FSTL5: variants seen among roughly 807,000 people sequenced by gnomAD.
FSTL5 encodes follistatin like 5.
Under a neutral mutation model 89.1 loss-of-function variants are expected in FSTL5, and 62 were observed. That is an observed-to-expected ratio of 0.70 (90% confidence interval 0.57 to 0.86). The LOEUF is 0.86. FSTL5 is among the 40% of genes least tolerant of loss of function. The pLI is 0.00. For missense variants in FSTL5, 1,057 were observed against 1,001.6 expected, an observed-to-expected ratio of 1.06 and a Z score of -0.75; for synonymous variants, 383 against 346.2, an observed-to-expected ratio of 1.11 and a Z score of -1.18.
chr4:161,437,284 G>C (rs536400577), intron 15 of FSTL5, among the ~76,000 whole-genome samples: 2 of 152,044 alleles, frequency 1.3e-5, no homozygotes, highest in East Asian at 1.9e-4. Flanking sequence ...ATAAAACAAC[G>C]GGCAGGGCGC....
intron 4 of FSTL5, among the ~76,000 whole-genome samples, chr4:161,832,294 G>A (rs979065523): frequency 6.6e-6 from 1 of 152,046 alleles, no homozygotes; most frequent in African/African-American, 2.4e-5. Flanking sequence ...GAGGTGAGAC[G>A]ATCCTTCCAG....
At chr4:161,450,801 G>A (rs942401973) in intron 15 of FSTL5, among the ~76,000 whole-genome samples, 1 of 145,434 alleles carries the variant, frequency 6.9e-6, no homozygotes, top group African/African-American at 2.6e-5. Flanking sequence ...AGAGTGCAGT[G>A]GCACGATCTC....
chr4:161,897,628 A>T (rs1733209450), intron 4 of FSTL5, among the ~76,000 whole-genome samples: 1 of 151,366 alleles, frequency 6.6e-6, no homozygotes, highest in Non-Finnish European at 1.5e-5. Context: ...TAATTCAGAG[A>T]GTTTCATTTA....
intron 3 of FSTL5, among the ~76,000 whole-genome samples, chr4:161,944,896 G>A (rs1199492519): frequency 6.6e-6 from 1 of 151,372 alleles, no homozygotes; most frequent in Non-Finnish European, 1.5e-5. Flanking sequence ...TTAGGTGAAT[G>A]TTTATAATAT....
chr4:161,602,462 C>G (rs932387901), intron 7 of FSTL5, among the ~76,000 whole-genome samples: 1 of 151,890 alleles, frequency 6.6e-6, no homozygotes, highest in Non-Finnish European at 1.5e-5. Context: ...CAGTCAATAT[C>G]AGTCTAAAAT....
In FSTL5 at chr4:161,999,285, A is replaced by G. The variant is rs541707212; in HGVS notation, c.160+34340T>C. Among the ~76,000 whole-genome samples the G allele has an allele frequency of 2.2e-3, 329 of 152,326 alleles. 3 individuals carry two copies. Among genetic ancestry groups the G allele is most frequent in the African/African-American group, 7.5e-3 (313 of 41,590 alleles). ...GATAAATGCTATGACATGTGAACCA[A>G]AAGTTATAAAGTATCTGGTCTACTT... On this transcript the variant is annotated intron_variant, in intron 3 of 15. Coordinates refer to ENST00000306100, the MANE Select transcript of FSTL5 (RefSeq NM_020116.5).
At chr4:161,629,249 A>G (rs151279943) in intron 7 of FSTL5, among the ~76,000 whole-genome samples, 1,578 of 152,332 alleles carry the variant, frequency 0.01, 19 homozygotes, top group Non-Finnish European at 0.013. Context: ...TTTCTGTTCC[A>G]AGTTACAATG....
intron 3 of FSTL5, among the ~76,000 whole-genome samples, chr4:161,941,660 C>A (rs1323988043): frequency 6.6e-6 from 1 of 151,902 alleles, no homozygotes; most frequent in Non-Finnish European, 1.5e-5. Flanking sequence ...GGGACCTTGG[C>A]AGCATTGAAG....
chr4:161,912,985 A>T (rs954893986), intron 4 of FSTL5, among the ~76,000 whole-genome samples: 6 of 152,114 alleles, frequency 3.9e-5, no homozygotes, highest in Admixed American at 3.3e-4. Context: ...AATTTGTGGA[A>T]CTCTGAACTT....
intron 6 of FSTL5, among the ~76,000 whole-genome samples, chr4:161,688,778 T>C (rs1737827193): frequency 1.3e-5 from 2 of 152,198 alleles, no homozygotes; most frequent in Non-Finnish European, 2.9e-5. Flanking sequence ...TGTTTTCTAA[T>C]GTTTATTGCC....
At chr4:161,750,423 C>T (rs1740356583) in intron 6 of FSTL5, among the ~76,000 whole-genome samples, 1 of 152,008 alleles carries the variant, frequency 6.6e-6, no homozygotes, top group Admixed American at 6.6e-5. Context: ...ACTTAATGCT[C>T]ATATTGGTAT....
chr4:161,917,799 T>C (rs1461720025), intron 4 of FSTL5, among the ~76,000 whole-genome samples: 1 of 152,166 alleles, frequency 6.6e-6, no homozygotes, highest in Non-Finnish European at 1.5e-5. Context: ...AAAATCTCCA[T>C]TGCAAGTACT....
At chr4:161,920,757 T>C (rs773153505) in intron 3 of FSTL5, 105 bp from the exon 4 acceptor site, 32 of 1,128,386 alleles carry the variant, frequency 2.8e-5, no homozygotes, top group Non-Finnish European at 4.0e-5. Context: ...AAAAGTATAG[T>C]ATAGTGTATT....
rs542381588 is a variant in FSTL5, at chr4:161,528,564, T to C, written c.1312+9602A>G. Among the ~76,000 whole-genome samples, 46 of 142,904 alleles carry C rather than the reference T, an allele frequency of 3.2e-4. 4 individuals carry two copies. The highest frequency in any genetic ancestry group is 5.8e-4 in the Non-Finnish European group (38 of 65,168). The allele number at this position is 142,904 out of a possible 152,430, so 93.8% of individuals were successfully genotyped here. ...GTTAATAGAAATATATGGCATAAAT[T>C]AGACTTCACAAAACTTTGAGAAAAC... is the stretch of plus-strand genomic sequence containing the variant. On this transcript the variant is annotated intron_variant, in intron 10 of 15. Transcript: ENST00000306100.
chr4:161,580,217 C>G (rs1223669604), intron 8 of FSTL5, among the ~76,000 whole-genome samples: 1 of 152,068 alleles, frequency 6.6e-6, no homozygotes, highest in African/African-American at 2.4e-5. Context: ...ACATGAGAAA[C>G]AGTATATAGA....
Position 161,581,491 on chromosome 4 carries a change from G to T in FSTL5, c.1015+5964C>A, listed in dbSNP as rs542250463. Among the ~76,000 whole-genome samples the T allele has an allele frequency of 3.3e-5, 5 of 152,326 alleles. No individual in the cohort carries two copies. In the East Asian group the frequency reaches 9.7e-4, roughly 29 times the overall value. On this transcript the variant is annotated intron_variant, in intron 8 of 15. Coordinates refer to ENST00000306100, the MANE Select transcript of FSTL5 (RefSeq NM_020116.5). Reference sequence around the variant, plus strand: ...GACGGTTTACCACACCCAGTGCAGAGATTCCAGTGTTCCCTATGACCAAAT... The same window carrying T: ...GACGGTTTACCACACCCAGTGCAGATATTCCAGTGTTCCCTATGACCAAAT...
At chr4:161,961,121 C>T (rs563168373) in intron 3 of FSTL5, among the ~76,000 whole-genome samples, 2 of 151,870 alleles carry the variant, frequency 1.3e-5, no homozygotes, top group Non-Finnish European at 2.9e-5. Flanking sequence ...ATCTTTCTTT[C>T]TTTCTTTTTA....
chr4:161,867,681 G>T (rs536902315), intron 4 of FSTL5, among the ~76,000 whole-genome samples: 1 of 151,558 alleles, frequency 6.6e-6, no homozygotes, highest in South Asian at 2.1e-4. Context: ...AGAGGCATTA[G>T]ATATTCATAA....
chr4:161,559,779 T>C (rs1338716217), intron 8 of FSTL5, among the ~76,000 whole-genome samples: 6 of 151,934 alleles, frequency 3.9e-5, no homozygotes, highest in Admixed American at 1.3e-4. Context: ...TTCTGAGAAA[T>C]GTATTGGTAG....
Sources: gnomAD v4.1 joint callset for allele counts (sites outside exome capture counted in the v4.1 genomes callset) on GRCh38, gnomAD v4.1.1 for gene constraint, MANE v1.5 for transcripts, NCBI Gene and HGNC (gene_info 2026-07-23, HGNC 2026-07-21) for gene names.